CELF2: variants seen among roughly 807,000 people sequenced by gnomAD.
CELF2 encodes CUG triplet repeat RNA-binding protein 2.
CELF2 carries 8 observed loss-of-function variants against 62.6 expected under a neutral mutation model. That is an observed-to-expected ratio of 0.13 (90% CI 0.07 to 0.23). CELF2 has a LOEUF of 0.23. CELF2 is among the 10% of genes least tolerant of loss of function. The pLI is 1.00. For missense variants in CELF2, 333 were observed against 671.0 expected (o/e 0.50, Z 5.56); for synonymous variants, 258 against 250.0 (o/e 1.03, Z -0.30).
rs188489859 is a variant in CELF2, at chr10:10,803,191, C to T, written c.53+4374C>T. Among the ~76,000 whole-genome samples the T allele has an allele frequency of 1.5e-3, 233 of 152,296 alleles. 2 individuals carry two copies. The highest frequency in any genetic ancestry group is 5.5e-3 in the African/African-American group (227 of 41,564). On this transcript the variant is annotated intron_variant, in intron 1 of 13. Coordinates refer to the CELF2 transcript ENST00000636488. ...ACTCTTGCTCTCTTAAACAATTTTGCACATAGAGGAATGAAAGCATTACAA... is the reference window on the plus strand; with the variant it reads ...ACTCTTGCTCTCTTAAACAATTTTGTACATAGAGGAATGAAAGCATTACAA...
the CELF2 span, among the ~76,000 whole-genome samples, chr10:10,582,304 T>C: frequency 6.6e-6 from 1 of 152,338 alleles, no homozygotes; most frequent in East Asian, 1.9e-4. Flanking sequence ...TTTAAATACA[T>C]TGATGAAATC....
chr10:10,548,182 T>C, the CELF2 span, among the ~76,000 whole-genome samples: 104 of 152,306 alleles, frequency 6.8e-4, no homozygotes, highest in African/African-American at 2.4e-3. Context: ...AGTTCCCTCG[T>C]CTCTTAAATC....
chr10:10,863,462 G>C (rs1268395614), intron 1 of CELF2, among the ~76,000 whole-genome samples: 1 of 152,188 alleles, frequency 6.6e-6, no homozygotes, highest in Non-Finnish European at 1.5e-5. Context: ...ATGTTGACGA[G>C]CTATGTGACC....
intron 1 of CELF2, among the ~76,000 whole-genome samples, chr10:11,027,475 G>A (rs552994809): frequency 5.3e-5 from 8 of 151,944 alleles, no homozygotes; most frequent in African/African-American, 1.4e-4. Flanking sequence ...GAGGCAAGTC[G>A]TTTTTTTTAT....
At chr10:11,213,393 A>C (rs988560435) in intron 2 of CELF2, among the ~76,000 whole-genome samples, 8 of 152,280 alleles carry the variant, frequency 5.3e-5, no homozygotes, top group Non-Finnish European at 1.0e-4. Context: ...TGGCGTGGGG[A>C]AATCTAGGAG....
At chr10:10,549,129 T>A in the CELF2 span, among the ~76,000 whole-genome samples, 1 of 152,192 alleles carries the variant, frequency 6.6e-6, no homozygotes, top group Non-Finnish European at 1.5e-5. Flanking sequence ...GAGACAAGGG[T>A]AGCTAGAGAA....
chr10:10,575,632 CAAG>C, the CELF2 span, among the ~76,000 whole-genome samples: 5 of 152,118 alleles, frequency 3.3e-5, no homozygotes, highest in Non-Finnish European at 7.4e-5. Context: ...CAGTCTGTTC[CAAG>C]AATTGAAAGC....
the CELF2 span, among the ~76,000 whole-genome samples, chr10:10,562,789 C>T: frequency 7.2e-6 from 1 of 139,314 alleles, no homozygotes; most frequent in Non-Finnish European, 1.5e-5. Flanking sequence ...CGGAGCCTAC[C>T]TCCCTGCCCT....
At chr10:10,584,582 G>T in the CELF2 span, among the ~76,000 whole-genome samples, 1 of 152,304 alleles carries the variant, frequency 6.6e-6, no homozygotes, top group East Asian at 1.9e-4. Context: ...TCCTCCTCAG[G>T]ACATATTTAG....
rs1278846398 is a variant in CELF2, at chr10:11,315,640, A to G, written c.1096+1382A>G. On this transcript the variant is annotated intron_variant, in intron 10 of 12. Transcript: ENST00000633077. This position sits in a 1 kb window ranked among gnomAD's most constrained non-coding sequence, Gnocchi z 5.8. ...AACGTGGACCGAGCTTTAGCTGACC[A>G]TACCTCCCAAATGGGACGGCTCGTG... Among the ~76,000 whole-genome samples, 1 of 152,228 alleles carries G rather than the reference A, an allele frequency of 6.6e-6. No homozygotes were observed.
chr10:10,825,201 G>GT (rs1305836930), intron 1 of CELF2, among the ~76,000 whole-genome samples: 1 of 151,894 alleles, frequency 6.6e-6, no homozygotes, highest in Non-Finnish European at 1.5e-5. Context: ...TTGTTTTTTT[G>GT]TTTTTTGTTT....
intron 1 of CELF2, among the ~76,000 whole-genome samples, chr10:10,813,915 T>A (rs1479729852): frequency 6.6e-6 from 1 of 152,136 alleles, no homozygotes; most frequent in Non-Finnish European, 1.5e-5. Flanking sequence ...CCCCCAGTAC[T>A]GTGTGCTGAG....
the CELF2 span, among the ~76,000 whole-genome samples, chr10:10,667,468 G>C: frequency 1.3e-5 from 2 of 152,194 alleles, no homozygotes; most frequent in Non-Finnish European, 2.9e-5. Flanking sequence ...AGCACAAAAG[G>C]CCACAGGAAT....
At chr10:10,550,769 G>T in the CELF2 span, among the ~76,000 whole-genome samples, 1 of 151,790 alleles carries the variant, frequency 6.6e-6, no homozygotes, top group African/African-American at 2.4e-5. Context: ...CACCATCTCA[G>T]CTCGCTGCAA....
chr10:11,274,994 G>T, intron 7 of CELF2, 63 bp from the exon 8 acceptor site: 1 of 1,487,520 alleles, frequency 6.7e-7, no homozygotes, highest in South Asian at 1.1e-5. Context: ...TTTGTCCCCA[G>T]TTTAATGAGG....
chr10:10,857,390 G>A (rs1022453816), intron 1 of CELF2, among the ~76,000 whole-genome samples: 1 of 151,768 alleles, frequency 6.6e-6, no homozygotes, highest in Non-Finnish European at 1.5e-5. Context: ...CTCAGTAGTG[G>A]GGCTAAACTA....
At chr10:10,845,331 CA>C (rs35114307) in intron 1 of CELF2, among the ~76,000 whole-genome samples, 18,166 of 121,940 alleles carry the variant, frequency 0.15, 1,361 homozygotes, top group Non-Finnish European at 0.22. Flanking sequence ...TTCATTGCTC[CA>C]AAAAAAAAAA....
chr10:10,550,857 C>T, the CELF2 span, among the ~76,000 whole-genome samples: 3 of 152,078 alleles, frequency 2.0e-5, no homozygotes, highest in Admixed American at 2.0e-4. Context: ...AGCCACCACG[C>T]CTGGCTAATT....
At chr10:10,930,061 G>A (rs2065914256) in intron 2 of CELF2, among the ~76,000 whole-genome samples, 1 of 152,194 alleles carries the variant, frequency 6.6e-6, no homozygotes, top group Non-Finnish European at 1.5e-5. Flanking sequence ...CTTTATAGAT[G>A]CGTATAAGAA....
Sources: gnomAD v4.1 joint callset for allele counts (sites outside exome capture counted in the v4.1 genomes callset) on GRCh38, gnomAD v4.1.1 for gene constraint, Gnocchi (gnomAD v3.1) non-coding constraint, MANE v1.5 for transcripts, NCBI Gene and HGNC (gene_info 2026-07-23, HGNC 2026-07-21) for gene names.